The following NDRG2 variants were observed in gnomAD, a reference collection of about 807,000 sequenced individuals.
NDRG2 encodes the protein NDRG family member 2.
Under a neutral mutation model 58.2 loss-of-function variants are expected in NDRG2, and 34 were observed. The observed-to-expected ratio is 0.58, with a 90% CI of 0.44 to 0.78. The LOEUF is 0.78. Among genes scored for constraint, NDRG2 ranks in the 30% least tolerant of loss-of-function variants. NDRG2 has a pLI of 0.00. For synonymous variants in NDRG2, 187 were observed against 175.9 expected (o/e 1.06, Z -0.50); for missense variants, 434 against 471.2 (o/e 0.92, Z 0.73).
In NDRG2 at chr14:21,033,704, G is replaced by A. The variant is rs761021872; in HGVS notation, c.25-10383C>T. 1.1e-5 allele frequency: 9 copies of A among 788,590 alleles called. No individual in the cohort carries two copies. The Admixed American group carries it at 1.6e-4, about 14-fold the overall frequency. 48.8% of individuals were successfully genotyped at this position (788,590 alleles called of 1,614,324 possible). A position where few individuals can be genotyped will look rare whatever the true frequency, so the allele number is the denominator to read the frequency against. ...TTTTCGCACCCACCTGGTCTCTTGG[G>A]AGGGGACCCTGCCTGCCTCGTAAGT... is the stretch of plus-strand genomic sequence containing the variant. On this transcript the variant is annotated intron_variant, in intron 1 of 14. Coordinates refer to the NDRG2 transcript ENST00000403829.
intron 6 of NDRG2, 77 bp downstream of exon 6, chr14:21,021,740 G>A (rs1027879833): frequency 3.0e-5 from 44 of 1,480,212 alleles, no homozygotes; most frequent in African/African-American, 2.5e-4. Flanking sequence ...CAGGAACCAC[G>A]GTGAACCTGG....
intron 11 of NDRG2, 96 bp downstream of exon 11, chr14:21,019,020 A>G: frequency 1.4e-6 from 2 of 1,403,844 alleles, no homozygotes; most frequent in South Asian, 1.3e-5. Context: ...CATGACAAGG[A>G]AGTTCCCTGG....
At chr14:21,063,810 T>C (rs1886105548) in intron 1 of NDRG2, among the ~76,000 whole-genome samples, 1 of 152,200 alleles carries the variant, frequency 6.6e-6, no homozygotes, top group Non-Finnish European at 1.5e-5. Flanking sequence ...TCTGGAAAGC[T>C]TATAAACAAT....
intron 1 of NDRG2, among the ~76,000 whole-genome samples, chr14:21,046,558 C>CCT (rs75127504): frequency 6.3e-4 from 95 of 151,426 alleles, no homozygotes; most frequent in Non-Finnish European, 1.1e-3. Context: ...TACATACATA[C>CCT]ATACATACAT....
intron 1 of NDRG2, among the ~76,000 whole-genome samples, chr14:21,040,610 T>C (rs1368267559): frequency 6.6e-6 from 1 of 152,210 alleles, no homozygotes; most frequent in Non-Finnish European, 1.5e-5. Context: ...TCCGTAAGTC[T>C]TCCCAATGAC....
intron 1 of NDRG2, chr14:21,043,133 C>T: frequency 1.2e-6 from 2 of 1,614,184 alleles, no homozygotes; most frequent in Non-Finnish European, 1.7e-6. Context: ...TGCAGCCCAG[C>T]CCTCAAGCAT....
At chr14:21,044,446 C>T (rs772157177) in intron 1 of NDRG2, among the ~76,000 whole-genome samples, 11 of 152,304 alleles carry the variant, frequency 7.2e-5, no homozygotes, top group Middle Eastern at 3.4e-3. Flanking sequence ...AAGGGACTTC[C>T]GTGGCCCTGA....
chr14:21,035,073 A>G (rs932937967), intron 1 of NDRG2, among the ~76,000 whole-genome samples: 25 of 152,228 alleles, frequency 1.6e-4, no homozygotes, highest in Non-Finnish European at 5.9e-5. Context: ...AGCATTCGCC[A>G]CTTTGTCATC....
chr14:21,037,123 C>CT (rs200476700), intron 1 of NDRG2, among the ~76,000 whole-genome samples: 4 of 152,156 alleles, frequency 2.6e-5, no homozygotes, highest in Non-Finnish European at 5.9e-5. Flanking sequence ...CTTCGCTCCC[C>CT]CCACCCAACA....
chr14:21,023,264 CTGGCAACAG>C lies in NDRG2; in HGVS notation c.43_51del (p.Leu15_Pro17del). On this transcript the variant is annotated inframe_deletion, in exon 2 of 16. Coordinates refer to ENST00000556147, the MANE Select transcript of NDRG2 (RefSeq NM_001320329.2). ...ACCTTGGCCGCCTCAGGCGTCTGTC[CTGGCAACAG>C]TGGCTTCTCCTCTGTGATCTGCACC... The C allele has an allele frequency of 6.2e-7, 1 of 1,614,026 alleles. No individual in the cohort carries two copies. Among genetic ancestry groups the C allele is most frequent in the Non-Finnish European group, 8.5e-7 (1 of 1,179,946 alleles).
chr14:21,023,545 C>A, intron 1 of NDRG2: 1 of 547,892 alleles, frequency 1.8e-6, no homozygotes. Flanking sequence ...TCTCTTGATA[C>A]TCACCATCCC....
rs1450669641 is a variant in NDRG2 at position 21,018,241 on chromosome 14, T to C, written c.862-2A>G. The C allele has an allele frequency of 6.2e-7, 1 of 1,613,622 alleles. No individual in the cohort carries two copies. The highest frequency in any genetic ancestry group is 8.5e-7 in the Non-Finnish European group (1 of 1,180,026). Reference sequence around the variant, plus strand: ...GGGCTGACCTCCGGAGTCAGCCATCTGTTCAGGAGAGCACCACCCAGAAAA... The same window carrying C: ...GGGCTGACCTCCGGAGTCAGCCATCCGTTCAGGAGAGCACCACCCAGAAAA... On this transcript the variant is annotated splice_acceptor_variant, in intron 13 of 15. Coordinates refer to ENST00000556147, the MANE Select transcript of NDRG2 (RefSeq NM_001320329.2). LOFTEE classifies it high-confidence loss of function.
chr14:21,041,252 C>T (rs1884883284), intron 1 of NDRG2, among the ~76,000 whole-genome samples: 2 of 152,120 alleles, frequency 1.3e-5, no homozygotes, highest in Admixed American at 1.3e-4. Flanking sequence ...GCCATGGCCT[C>T]CCAAAGTGCT....
At position 21,070,284 on chromosome 14, in the gene NDRG2, G is replaced by T; in HGVS notation, c.24+544C>A. Reference sequence around the variant, plus strand: ...CGGAGCGGGCCGAGCCGCCACCGCGGCCGGAGCTGTCCCTTAGCCAGACCC... The same window carrying T: ...CGGAGCGGGCCGAGCCGCCACCGCGTCCGGAGCTGTCCCTTAGCCAGACCC... On this transcript the variant is annotated intron_variant, in intron 1 of 14. Coordinates refer to the NDRG2 transcript ENST00000403829. This position sits in a 1 kb window ranked among gnomAD's most constrained non-coding sequence, Gnocchi z 4.7. The T allele has an allele frequency of 8.8e-7, 1 of 1,142,744 alleles. No homozygotes were observed. Among genetic ancestry groups the T allele is most frequent in the Non-Finnish European group, 1.1e-6 (1 of 911,430 alleles). 70.8% of individuals were successfully genotyped at this position (1,142,744 alleles called of 1,614,324 possible).
At chr14:21,060,394 G>A (rs1885895902) in intron 1 of NDRG2, among the ~76,000 whole-genome samples, 1 of 152,160 alleles carries the variant, frequency 6.6e-6, no homozygotes, top group South Asian at 2.1e-4. Context: ...ACATCTGGAA[G>A]TGAGACAGAA....
intron 1 of NDRG2, among the ~76,000 whole-genome samples, chr14:21,059,595 C>T (rs549220624): frequency 2.0e-4 from 31 of 152,084 alleles, no homozygotes; most frequent in South Asian, 1.0e-3. Flanking sequence ...CCTGGGCTCA[C>T]GTGATCCTCC....
At position 21,017,317 on chromosome 14, in the gene NDRG2, G is replaced by A; in HGVS notation, c.*279C>T. Reference sequence around the variant, plus strand: ...AGCTATAGACACCTAGATCAGGACAGAGGATGCATATGCCCTCTCCACCTT... The same window carrying A: ...AGCTATAGACACCTAGATCAGGACAAAGGATGCATATGCCCTCTCCACCTT... On this transcript the variant is annotated 3_prime_UTR_variant, in exon 16 of 16. Transcript: ENST00000556147. The A allele has an allele frequency of 2.0e-6, 1 of 497,040 alleles. No individual in the cohort carries two copies. Among genetic ancestry groups the A allele is most frequent in the Non-Finnish European group, 3.7e-6 (1 of 271,680 alleles). 30.8% of individuals were successfully genotyped at this position (497,040 alleles called of 1,614,324 possible).
At chr14:21,025,604 GCGCCGAA>G (rs1254064098), upstream of NDRG2, 52 of 985,476 alleles carry the variant, frequency 5.3e-5, no homozygotes, top group Non-Finnish European at 5.8e-5. This position sits in a 1 kb window ranked among gnomAD's most constrained non-coding sequence, Gnocchi z 5.1. Flanking sequence ...AGGTGTGCTG[GCGCCGAA>G]AGGGGGCACG....
At chr14:21,031,031 A>G (rs1299932467) in intron 1 of NDRG2, 5 of 1,611,602 alleles carry the variant, frequency 3.1e-6, no homozygotes, top group East Asian at 2.2e-5. Flanking sequence ...CGCCCGAACC[A>G]TCACGTTTCA....
Sources: gnomAD v4.1 joint callset for allele counts (sites outside exome capture counted in the v4.1 genomes callset) on GRCh38, gnomAD v4.1.1 for gene constraint, Gnocchi (gnomAD v3.1) non-coding constraint, MANE v1.5 for transcripts, NCBI Gene and HGNC (gene_info 2026-07-23, HGNC 2026-07-21) for gene names.